The following DPP10 variants were observed in gnomAD, a reference collection of about 807,000 sequenced individuals.
DPP10 encodes inactive dipeptidyl peptidase 10.
Under a neutral mutation model 120.9 loss-of-function variants are expected in DPP10, and 33 were observed. That is an observed-to-expected ratio of 0.27 (90% CI 0.21 to 0.37). The LOEUF (loss-of-function observed/expected upper bound fraction) is 0.37, where lower values mean the gene tolerates loss of function less well. Among genes scored for constraint, DPP10 ranks in the 10% least tolerant of loss-of-function variants. The probability of loss-of-function intolerance (pLI) is 1.00; values close to 1 mark genes in which losing one functional copy is unlikely to be tolerated. For missense variants in DPP10, 816 were observed against 942.8 expected (o/e 0.87, Z 1.76); for synonymous variants, 337 against 326.1 (o/e 1.03, Z -0.36).
intron 5 of DPP10, among the ~76,000 whole-genome samples, chr2:115,685,597 T>C (rs950810011): frequency 6.6e-6 from 1 of 152,036 alleles, no homozygotes. Context: ...CAATAGTCAT[T>C]TATAAACTGA....
intron 5 of DPP10, among the ~76,000 whole-genome samples, chr2:115,603,217 T>C (rs1302332660): frequency 6.6e-6 from 1 of 151,774 alleles, no homozygotes; most frequent in Non-Finnish European, 1.5e-5. Flanking sequence ...AAAAGGTCTA[T>C]GTTTGAGTCA....
At chr2:114,913,680 AC>A (rs1163905092) in intron 1 of DPP10, among the ~76,000 whole-genome samples, 4 of 152,144 alleles carry the variant, frequency 2.6e-5, no homozygotes, top group Non-Finnish European at 5.9e-5. Context: ...CCTCCAAACA[AC>A]TATAGTAGCT....
intron 1 of DPP10, among the ~76,000 whole-genome samples, chr2:114,488,797 G>T (rs1007191606): frequency 3.9e-5 from 6 of 152,186 alleles, no homozygotes; most frequent in African/African-American, 1.4e-4. Flanking sequence ...CCAAAGTCCA[G>T]TCCCAGCCCT....
At chr2:115,064,593 T>A in intron 1 of DPP10, 1 of 1,206,680 alleles carries the variant, frequency 8.3e-7, no homozygotes, top group Non-Finnish European at 1.1e-6. Context: ...CGGTTGGACA[T>A]AGGTGGGCAC....
rs10577275 is a variant in DPP10 at position 115,041,117 on chromosome 2, CA to C, written c.61-268101del. On this transcript the variant is annotated intron_variant, in intron 1 of 25. Coordinates refer to ENST00000410059, the MANE Select transcript of DPP10 (RefSeq NM_020868.6). ...CTGGGCGACAGAGCCTAGCTCAAAACAAAAAAAAAAAAAAAAAAAAAGTTTT... is the reference window on the plus strand; with the variant it reads ...CTGGGCGACAGAGCCTAGCTCAAAACAAAAAAAAAAAAAAAAAAAAGTTTT... Among the ~76,000 whole-genome samples, 346 of 127,928 alleles carry C rather than the reference CA, an allele frequency of 2.7e-3. 1 individual carries two copies. The highest frequency in any genetic ancestry group is 9.4e-3 in the African/African-American group (327 of 34,754). The allele number at this position is 127,928 out of a possible 152,430, so 83.9% of individuals were successfully genotyped here.
At chr2:114,554,305 C>T (rs533136133) in intron 1 of DPP10, among the ~76,000 whole-genome samples, 5 of 152,190 alleles carry the variant, frequency 3.3e-5, no homozygotes, top group Admixed American at 6.5e-5. Flanking sequence ...GCGCTTGGCT[C>T]AGGTGCAGGG....
At chr2:115,749,701 A>C (rs551151585) in intron 10 of DPP10, among the ~76,000 whole-genome samples, 7 of 152,318 alleles carry the variant, frequency 4.6e-5, no homozygotes, top group African/African-American at 1.7e-4. Flanking sequence ...TTGGTCATGA[A>C]TACCATCACA....
intron 5 of DPP10, among the ~76,000 whole-genome samples, chr2:115,685,840 T>C (rs1445190594): frequency 6.6e-6 from 1 of 152,062 alleles, no homozygotes; most frequent in African/African-American, 2.4e-5. Flanking sequence ...AGGACTAAAA[T>C]ATGTCTGTTT....
At chr2:115,382,916 G>T (rs981360933) in intron 3 of DPP10, among the ~76,000 whole-genome samples, 2 of 152,168 alleles carry the variant, frequency 1.3e-5, no homozygotes, top group African/African-American at 4.8e-5. Context: ...AGAGAACGCT[G>T]GGGTCTGTCT....
At chr2:115,649,420 G>T (rs1010153657) in intron 5 of DPP10, among the ~76,000 whole-genome samples, 1 of 152,034 alleles carries the variant, frequency 6.6e-6, no homozygotes, top group African/African-American at 2.4e-5. Context: ...ATTACATTTT[G>T]CTATGATTTT....
chr2:114,842,534 T>C (rs1688242164), intron 1 of DPP10, among the ~76,000 whole-genome samples: 1 of 152,046 alleles, frequency 6.6e-6, no homozygotes, highest in African/African-American at 2.4e-5. Context: ...TAGATCAGGG[T>C]ACAGAAGATA....
intron 1 of DPP10, among the ~76,000 whole-genome samples, chr2:114,709,903 A>G (rs1700914613): frequency 6.6e-6 from 1 of 152,206 alleles, no homozygotes; most frequent in African/African-American, 2.4e-5. Context: ...TTGAGTAGAG[A>G]ATGAGATTAG....
At chr2:114,875,800 T>C (rs1006679142) in intron 1 of DPP10, among the ~76,000 whole-genome samples, 1 of 152,186 alleles carries the variant, frequency 6.6e-6, no homozygotes, top group African/African-American at 2.4e-5. Flanking sequence ...CAGTCATGTA[T>C]AATTTAGAGA....
chr2:114,766,336 C>T (rs1168579495), intron 1 of DPP10, among the ~76,000 whole-genome samples: 3 of 152,106 alleles, frequency 2.0e-5, no homozygotes, highest in Admixed American at 6.6e-5. Context: ...TTAGACATTT[C>T]TGGTGGGAAT....
intron 1 of DPP10, among the ~76,000 whole-genome samples, chr2:114,501,933 CTTTTTTTT>C (rs34369425): frequency 6.5e-4 from 61 of 94,052 alleles, no homozygotes; most frequent in Non-Finnish European, 2.6e-4. Context: ...ATTGATATTC[CTTTTTTTT>C]TTTTTTTTTT....
At chr2:114,477,943 A>G (rs1418146364) in intron 1 of DPP10, among the ~76,000 whole-genome samples, 3 of 150,600 alleles carry the variant, frequency 2.0e-5, no homozygotes, top group African/African-American at 4.9e-5. Flanking sequence ...ATGTGTATAT[A>G]TGTACATATA....
chr2:115,183,940 G>A (rs576280561), intron 1 of DPP10, among the ~76,000 whole-genome samples: 82 of 152,302 alleles, frequency 5.4e-4, no homozygotes, highest in Middle Eastern at 6.8e-3. Flanking sequence ...TGGAAAGAAC[G>A]CTAGTTGCAG....
chr2:115,375,522 C>T (rs964317006), intron 3 of DPP10, among the ~76,000 whole-genome samples: 3 of 152,218 alleles, frequency 2.0e-5, no homozygotes, highest in African/African-American at 7.2e-5. Context: ...CCAGCTTCTG[C>T]CTGTTTCCCA....
chr2:115,757,795 AAAG>A (rs1385376835), intron 11 of DPP10, among the ~76,000 whole-genome samples: 4 of 152,016 alleles, frequency 2.6e-5, no homozygotes, highest in Admixed American at 6.6e-5. Flanking sequence ...ATTAAGAAAA[AAAG>A]AAGAATTAAA....
Sources: gnomAD v4.1 joint callset for allele counts (sites outside exome capture counted in the v4.1 genomes callset) on GRCh38, gnomAD v4.1.1 for gene constraint, MANE v1.5 for transcripts, NCBI Gene and HGNC (gene_info 2026-07-23, HGNC 2026-07-21) for gene names.